PDE4D: variants seen among roughly 807,000 people sequenced by gnomAD.
PDE4D encodes the protein phosphodiesterase 4D.
PDE4D carries 24 observed loss-of-function variants against 87.4 expected under a neutral mutation model. That is an observed-to-expected ratio of 0.27 (90% CI 0.20 to 0.39). The LOEUF is 0.39. Ranked by LOEUF, PDE4D falls within the 10% of genes least tolerant of loss-of-function variation. The pLI, the probability that PDE4D is intolerant of heterozygous loss-of-function variation, is 1.00. For missense variants in PDE4D, 714 were observed against 1,041.0 expected, an observed-to-expected ratio of 0.69 and a Z score of 4.32; for synonymous variants, 384 against 383.2, an observed-to-expected ratio of 1.00 and a Z score of -0.02.
chr5:59,810,150 C>A (rs976768548), intron 1 of PDE4D, among the ~76,000 whole-genome samples: 1 of 152,180 alleles, frequency 6.6e-6, no homozygotes, highest in Non-Finnish European at 1.5e-5. Flanking sequence ...GCAGATGGCG[C>A]ACACTTCTCA....
chr5:60,159,595 C>T (rs1782298687), intron 2 of PDE4D, among the ~76,000 whole-genome samples: 1 of 152,114 alleles, frequency 6.6e-6, no homozygotes, highest in South Asian at 2.1e-4. Context: ...GTAGAGCTGA[C>T]AATAGGAATT....
At chr5:59,440,534 G>C (rs1797450459) in intron 1 of PDE4D, among the ~76,000 whole-genome samples, 1 of 152,102 alleles carries the variant, frequency 6.6e-6, no homozygotes, top group Admixed American at 6.5e-5. Context: ...CCCAGCACTT[G>C]GGGAGGCTGA....
chr5:59,138,054 GA>G (rs920091063), intron 5 of PDE4D, among the ~76,000 whole-genome samples: 76 of 152,320 alleles, frequency 5.0e-4, no homozygotes, highest in African/African-American at 1.7e-3. Context: ...AGTCCCTGAG[GA>G]ATCTCACTGT....
chr5:59,838,776 G>C (rs1253606522), intron 1 of PDE4D, among the ~76,000 whole-genome samples: 1 of 151,998 alleles, frequency 6.6e-6, no homozygotes, highest in Non-Finnish European at 1.5e-5. Flanking sequence ...AAAGACGTAG[G>C]CAAACAGTCA....
rs1014197955 is a variant in PDE4D at position 59,600,233 on chromosome 5, C to T, written c.455+292935G>A. Among the ~76,000 whole-genome samples the T allele has an allele frequency of 3.3e-5, 5 of 152,172 alleles. No individual in the cohort carries two copies. The South Asian group carries it at 1.0e-3, about 32-fold the overall frequency. On this transcript the variant is annotated intron_variant, in intron 1 of 14. Transcript: ENST00000340635. ...TAATGTGAGTTAGATAACTGCAGCCCGCTTTAAGAGAGGGTAGGGTTGGAC... is the reference window on the plus strand; with the variant it reads ...TAATGTGAGTTAGATAACTGCAGCCTGCTTTAAGAGAGGGTAGGGTTGGAC...
intron 11 of PDE4D, among the ~76,000 whole-genome samples, chr5:58,983,101 T>C (rs777592657): frequency 2.9e-4 from 44 of 152,228 alleles, no homozygotes; most frequent in Non-Finnish European, 4.8e-4. Context: ...ACGAGTCACC[T>C]TGCCTAAAGT....
At chr5:60,438,036 G>A (rs1019158811) in intron 1 of PDE4D, among the ~76,000 whole-genome samples, 13 of 152,156 alleles carry the variant, frequency 8.5e-5, no homozygotes, top group Non-Finnish European at 1.9e-4. Context: ...ATGGAGTGAA[G>A]TGACCCTTGG....
At chr5:59,873,270 T>C (rs1435221134) in intron 1 of PDE4D, among the ~76,000 whole-genome samples, 1 of 152,242 alleles carries the variant, frequency 6.6e-6, no homozygotes, top group African/African-American at 2.4e-5. Flanking sequence ...TTTTAAGGGA[T>C]GACACAGTCA....
At chr5:60,282,295 C>T (rs1251880583) in intron 1 of PDE4D, among the ~76,000 whole-genome samples, 6 of 147,214 alleles carry the variant, frequency 4.1e-5, no homozygotes, top group African/African-American at 7.5e-5. Flanking sequence ...AAGGATTATA[C>T]GGTAAAAAAA....
intron 1 of PDE4D, among the ~76,000 whole-genome samples, chr5:59,269,450 A>G (rs1763401519): frequency 6.6e-6 from 1 of 152,128 alleles, no homozygotes. Context: ...ACATAACTTC[A>G]AGGTCTTATA....
intron 2 of PDE4D, among the ~76,000 whole-genome samples, chr5:60,029,429 C>T (rs935850713): frequency 6.6e-6 from 1 of 152,252 alleles, no homozygotes; most frequent in Non-Finnish European, 1.5e-5. Context: ...TGTAAGTTCC[C>T]GCTTCCAGTC....
At chr5:59,415,177 G>A (rs1793393633) in intron 1 of PDE4D, among the ~76,000 whole-genome samples, 1 of 152,138 alleles carries the variant, frequency 6.6e-6, no homozygotes, top group Non-Finnish European at 1.5e-5. Context: ...TTGACCTTCT[G>A]GCAGATAAAG....
chr5:59,518,269 T>G (rs1811536112), intron 1 of PDE4D, among the ~76,000 whole-genome samples: 1 of 151,894 alleles, frequency 6.6e-6, no homozygotes, highest in Non-Finnish European at 1.5e-5. Context: ...TTTTGCCAGT[T>G]TGCAAGGCAA....
chr5:59,455,946 TA>T (rs889545801), intron 1 of PDE4D, among the ~76,000 whole-genome samples: 7 of 152,372 alleles, frequency 4.6e-5, no homozygotes, highest in African/African-American at 1.7e-4. Flanking sequence ...GAATGGTATT[TA>T]CCCAATGCCT....
intron 3 of PDE4D, among the ~76,000 whole-genome samples, chr5:59,984,411 T>C (rs1208133657): frequency 6.6e-6 from 1 of 152,210 alleles, no homozygotes; most frequent in Non-Finnish European, 1.5e-5. Context: ...GAAAGTTAAC[T>C]GGCAGATGAA....
chr5:60,149,149 G>A (rs1781274943), intron 2 of PDE4D, among the ~76,000 whole-genome samples: 3 of 152,220 alleles, frequency 2.0e-5, no homozygotes, highest in Admixed American at 6.5e-5. Context: ...AAATCCAGAC[G>A]TTAAACCACT....
At chr5:59,038,451 G>C (rs1230601834) in intron 6 of PDE4D, among the ~76,000 whole-genome samples, 1 of 152,132 alleles carries the variant, frequency 6.6e-6, no homozygotes, top group East Asian at 1.9e-4. Context: ...TTCCAAGTTC[G>C]ATGAACTCTT....
At chr5:60,506,448 G>T (rs2963110) in intron 1 of PDE4D, among the ~76,000 whole-genome samples, 3,560 of 152,294 alleles carry the variant, frequency 0.023, 44 homozygotes, top group Non-Finnish European at 0.034. Flanking sequence ...TTCCATGAAT[G>T]CTTCCTCTAC....
intron 1 of PDE4D, among the ~76,000 whole-genome samples, chr5:60,423,951 T>G (rs936974190): frequency 1.3e-5 from 2 of 152,122 alleles, no homozygotes; most frequent in African/African-American, 2.4e-5. Flanking sequence ...AATGGATAAA[T>G]TCCTGGACAC....
Sources: allele counts gnomAD v4.1 joint callset (sites outside exome capture counted in the v4.1 genomes callset), GRCh38; gene constraint gnomAD v4.1.1; transcripts MANE v1.5; gene names NCBI Gene and HGNC (gene_info 2026-07-23, HGNC 2026-07-21).